The following XCR1 variants were observed in gnomAD, a reference collection of about 807,000 sequenced individuals.
XCR1 encodes the protein chemokine XC receptor 1.
For synonymous variants in XCR1, 187 were observed against 188.5 expected, an observed-to-expected ratio of 0.99 and a Z score of 0.06; for missense variants, 356 against 424.2, an observed-to-expected ratio of 0.84 and a Z score of 1.41.
intron 1 of XCR1, among the ~76,000 whole-genome samples, chr3:46,025,813 C>T (rs1708277205): frequency 2.6e-5 from 4 of 152,140 alleles, no homozygotes; most frequent in Admixed American, 2.6e-4. Flanking sequence ...TATTTTCTAA[C>T]TCCTTTTATG....
In XCR1 at chr3:46,021,697, A is replaced by G. The variant is rs1176962800; in HGVS notation, c.251T>C (p.Leu84Ser). 3.1e-6 allele frequency: 5 copies of G among 1,613,996 alleles called. No homozygotes were observed. In the African/African-American group the frequency reaches 5.3e-5, roughly 17 times the overall value. Residue 84 changes from leucine to serine, a missense_variant, in exon 2 of 2, where the codon TTG becomes TCG. Transcript: ENST00000309285. The surrounding 1 kb of genome is among the most constrained non-coding windows in gnomAD (Gnocchi z 4.7). ...GTGGTATGGGGAGATCCACACAGGC[A>G]ACAAGCAGGCGAACACCAGGTCTGA... is the stretch of plus-strand genomic sequence containing the variant. ...CLSDLVFACL[L>S]PVWISPYHWG...
chr3:46,080,800 T>A (rs1188549321), intron 1 of XCR1, among the ~76,000 whole-genome samples: 1 of 152,168 alleles, frequency 6.6e-6, no homozygotes, highest in Non-Finnish European at 1.5e-5. Context: ...GGAATCCAGA[T>A]GAAACGACAG....
intron 1 of XCR1, among the ~76,000 whole-genome samples, chr3:46,026,771 A>G (rs1269178523): frequency 6.6e-6 from 1 of 151,718 alleles, no homozygotes; most frequent in Non-Finnish European, 1.5e-5. Context: ...TTTAGTAGAG[A>G]CGGGGTTTCA....
intron 5 of XCR1, among the ~76,000 whole-genome samples, chr3:46,053,329 A>AGT (rs760299784): frequency 0.041 from 5,840 of 143,544 alleles, 291 homozygotes; most frequent in Non-Finnish European, 0.055. Flanking sequence ...AAATAGGAAA[A>AGT]GCACGAGGTC....
In XCR1 at chr3:46,020,830, G is replaced by C; in HGVS notation, c.*116C>G. 1 of 1,361,416 alleles carries C rather than the reference G, an allele frequency of 7.3e-7. No individual in the cohort carries two copies. Among genetic ancestry groups the C allele is most frequent in the Non-Finnish European group, 9.7e-7 (1 of 1,026,146 alleles). The allele number at this position is 1,361,416 out of a possible 1,614,324, so 84.3% of individuals were successfully genotyped here. ...ATGACCTTCACTGCACGCCTGCAGC[G>C]GAGGAGACGTCTCCACCCTGCTGTG... On this transcript the variant is annotated 3_prime_UTR_variant, in exon 2 of 2. Transcript: ENST00000309285.
intron 1 of XCR1, among the ~76,000 whole-genome samples, chr3:46,079,824 C>T (rs1343574724): frequency 6.6e-6 from 1 of 152,122 alleles, no homozygotes; most frequent in Non-Finnish European, 1.5e-5. Context: ...ATATTCTGAC[C>T]TTTATCAATT....
chr3:46,070,693 C>T (rs1604069), intron 3 of XCR1, among the ~76,000 whole-genome samples: 75,605 of 151,786 alleles, frequency 0.5, 22,370 homozygotes, highest in African/African-American at 0.84. Context: ...AAGCAGCATG[C>T]AGTTTGATCT....
chr3:46,079,622 C>A (rs547143535), intron 1 of XCR1, among the ~76,000 whole-genome samples: 1 of 152,056 alleles, frequency 6.6e-6, no homozygotes, highest in African/African-American at 2.4e-5. Context: ...GAACTTGAAC[C>A]CCCTCCCTGA....
intron 3 of XCR1, among the ~76,000 whole-genome samples, chr3:46,071,324 T>A (rs1226127370): frequency 6.6e-6 from 1 of 151,770 alleles, no homozygotes; most frequent in Non-Finnish European, 1.5e-5. Flanking sequence ...CCCAGGTGGC[T>A]TTTTTTTAAG....
chr3:46,021,886 G>A lies in XCR1; in HGVS notation c.62C>T (p.Pro21Leu), dbSNP rs750354912. The A allele has an allele frequency of 1.5e-5, 24 of 1,613,998 alleles. No individual in the cohort carries two copies. Among genetic ancestry groups the A allele is most frequent in the South Asian group, 9.9e-5 (9 of 91,078 alleles). The change falls in exon 2 of 2, where the codon CCG becomes CTG. Residue 21 changes from proline (P) to leucine (L), a missense_variant. Coordinates refer to ENST00000309285, the MANE Select transcript of XCR1 (RefSeq NM_001024644.2). This position sits in a 1 kb window ranked among gnomAD's most constrained non-coding sequence, Gnocchi z 4.7. Reference sequence around the variant, plus strand: ...AAAGACCCAGGCCTGGTTCTCACACGGCTGGCTCTGAAGGTCATAGTAAAA... The same window carrying A: ...AAAGACCCAGGCCTGGTTCTCACACAGCTGGCTCTGAAGGTCATAGTAAAA... ...TFFYYDLQSQ[P>L]CENQAWVFAT...
chr3:46,050,269 G>A (rs1185914825), intron 5 of XCR1, among the ~76,000 whole-genome samples: 1 of 152,210 alleles, frequency 6.6e-6, no homozygotes, highest in Non-Finnish European at 1.5e-5. Context: ...CTCCTTGCAG[G>A]GTTTGGTAAA....
In XCR1 at chr3:46,018,854, T is replaced by G. The variant is rs1708089970; in HGVS notation, c.*2092A>C. 1 of 152,206 alleles carries G rather than the reference T, an allele frequency of 6.6e-6. No homozygotes were observed. Among genetic ancestry groups the G allele is most frequent in the African/African-American group, 2.4e-5 (1 of 41,450 alleles). 9.4% of individuals were successfully genotyped at this position (152,206 alleles called of 1,614,324 possible). ...GTGTCTTCTGTGTGCAAATCCCTGCTCAAGGGACTGTAGAAGACTCTGGAC... is the reference window on the plus strand; with the variant it reads ...GTGTCTTCTGTGTGCAAATCCCTGCGCAAGGGACTGTAGAAGACTCTGGAC... On this transcript the variant is annotated 3_prime_UTR_variant, in exon 2 of 2. Transcript: ENST00000309285.
chr3:46,047,912 CG>C (rs1186746671), intron 5 of XCR1, among the ~76,000 whole-genome samples: 1 of 152,060 alleles, frequency 6.6e-6, no homozygotes, highest in East Asian at 1.9e-4. Flanking sequence ...GGTCCATGGA[CG>C]GGGGTAGGAA....
chr3:46,021,908 A>G lies in XCR1; in HGVS notation c.40T>C (p.Tyr14His). 6.2e-7 allele frequency: 1 copy of G among 1,613,442 alleles called. No individual in the cohort carries two copies. Among genetic ancestry groups the G allele is most frequent in the Non-Finnish European group, 8.5e-7 (1 of 1,179,674 alleles). ...SGNPESTTFF[Y>H]YDLQSQPCEN... is the part of the protein sequence containing the mutation. ...CACGGCTGGCTCTGAAGGTCATAGT[A>G]AAAAAAGGTGGTGCTCTCTGGGTTG... is the stretch of plus-strand genomic sequence containing the variant. The change falls in exon 2 of 2, where the codon TAC becomes CAC. Residue 14 changes from tyrosine (Y) to histidine (H), a missense_variant. Transcript: ENST00000309285. This position sits in a 1 kb window ranked among gnomAD's most constrained non-coding sequence, Gnocchi z 4.7.
chr3:46,073,222 T>G (rs1313410413), intron 3 of XCR1, among the ~76,000 whole-genome samples: 6 of 152,188 alleles, frequency 3.9e-5, no homozygotes. Flanking sequence ...AATTAATGAC[T>G]AATATCTCAA....
At chr3:46,025,519 GAAT>G (rs1481614665) in intron 1 of XCR1, among the ~76,000 whole-genome samples, 12 of 152,070 alleles carry the variant, frequency 7.9e-5, no homozygotes, top group Non-Finnish European at 1.6e-4. Context: ...GACTTTACAA[GAAT>G]AACAAATAAA....
Position 46,021,074 on chromosome 3 carries a change from C to A in XCR1, c.874G>T (p.Val292Phe). 1.2e-6 allele frequency: 2 copies of A among 1,614,144 alleles called. No individual in the cohort carries two copies. The highest frequency in any genetic ancestry group is 1.7e-6 in the Non-Finnish European group (2 of 1,180,010). The change falls in exon 2 of 2, where the codon GTC becomes TTC. Residue 292 changes from valine (V) to phenylalanine (F), a missense_variant. By Grantham distance (50) the Val-to-Phe change is conservative (BLOSUM62 -1). Transcript: ENST00000309285. The surrounding 1 kb of genome is among the most constrained non-coding windows in gnomAD (Gnocchi z 4.7). ...TGTTTCAGGTGTGTGCGGAACTTGA[C>A]CCCCACGAAGACATAGAGCACCGGG... The part of the protein sequence containing the change: ...FNPVLYVFVG[V>F]KFRTHLKHVL...
chr3:46,063,940 G>T (rs1698013370), intron 4 of XCR1, among the ~76,000 whole-genome samples: 1 of 152,104 alleles, frequency 6.6e-6, no homozygotes, highest in Admixed American at 6.5e-5. Context: ...TGCAATTATG[G>T]CTCACTACAG....
intron 3 of XCR1, among the ~76,000 whole-genome samples, chr3:46,073,965 A>C (rs985633400): frequency 2.0e-4 from 31 of 151,988 alleles, no homozygotes; most frequent in African/African-American, 7.0e-4. Context: ...ACTCTTATAC[A>C]TTGTTGGTGG....
Sources: allele counts gnomAD v4.1 joint callset (sites outside exome capture counted in the v4.1 genomes callset), GRCh38; gene constraint gnomAD v4.1.1; non-coding constraint Gnocchi (gnomAD v3.1); transcripts MANE v1.5; gene names NCBI Gene and HGNC (gene_info 2026-07-23, HGNC 2026-07-21).